MLLT10: variants seen among roughly 807,000 people sequenced by gnomAD.
The protein encoded by MLLT10 is protein AF-10.
A neutral mutation model predicts 129.1 loss-of-function variants in MLLT10; 30 were observed. The observed-to-expected ratio is 0.23, with a 90% CI of 0.17 to 0.32. The LOEUF (loss-of-function observed/expected upper bound fraction) is 0.32, where lower values mean the gene tolerates loss of function less well. MLLT10 is among the 10% of genes least tolerant of loss of function. The pLI is 1.00. For missense variants in MLLT10, 1,119 were observed against 1,268.3 expected (o/e 0.88, Z 1.79); for synonymous variants, 490 against 446.4 (o/e 1.10, Z -1.23).
chr10:21,617,707 A>G (rs117167103), intron 8 of MLLT10, among the ~76,000 whole-genome samples: 2,231 of 152,280 alleles, frequency 0.015, 38 homozygotes, highest in South Asian at 0.051. Context: ...TTAAAACACT[A>G]AAAGCTTGCC....
At chr10:21,660,916 T>C (rs2050132822) in intron 9 of MLLT10, among the ~76,000 whole-genome samples, 1 of 152,006 alleles carries the variant, frequency 6.6e-6, no homozygotes, top group South Asian at 2.1e-4. Context: ...TCTATCTTCT[T>C]TTCTAATATA....
intron 13 of MLLT10, among the ~76,000 whole-genome samples, chr10:21,694,614 A>G (rs1361022414): frequency 7.9e-5 from 12 of 152,202 alleles, no homozygotes; most frequent in Non-Finnish European, 1.8e-4. Flanking sequence ...CAGGTTAGCC[A>G]GTGGGAGCCC....
At chr10:21,533,924 TCCACCTCCCCCG>T (rs1281099987), upstream of MLLT10, among the ~76,000 whole-genome samples, 1 of 151,920 alleles carries the variant, frequency 6.6e-6, no homozygotes, top group Non-Finnish European at 1.5e-5. Context: ...GCCCTGGGCG[TCCACCTCCCCCG>T]CCACCTCCCA....
intron 9 of MLLT10, among the ~76,000 whole-genome samples, chr10:21,657,613 T>A (rs1271987558): frequency 6.6e-6 from 1 of 152,134 alleles, no homozygotes; most frequent in Non-Finnish European, 1.5e-5. Context: ...TCAGCGTCAT[T>A]ATAAATAGCT....
chr10:21,594,146 A>G (rs1470653366), intron 4 of MLLT10, among the ~76,000 whole-genome samples: 3 of 151,856 alleles, frequency 2.0e-5, no homozygotes, highest in African/African-American at 7.3e-5. Context: ...TCTTAGCTCT[A>G]GTTTGCCCTT....
At position 21,572,470 on chromosome 10, in the gene MLLT10, T is replaced by C. The variant is rs146530333; in HGVS notation, c.241-13824T>C. On this transcript the variant is annotated intron_variant, in intron 3 of 22. Coordinates refer to ENST00000307729, the MANE Select transcript of MLLT10 (RefSeq NM_001195626.3). ...ATTGTCTTGAGTCTGTTGATCAGTT[T>C]GAGGAGAACTGACATCTTAACAACG... Among the ~76,000 whole-genome samples, 135 of 152,338 alleles carry C rather than the reference T, an allele frequency of 8.9e-4. 5 individuals are homozygous for C. The East Asian group carries it at 0.022, about 25-fold the overall frequency.
intron 7 of MLLT10, among the ~76,000 whole-genome samples, chr10:21,615,457 C>CAAA (rs71393914): frequency 7.9e-5 from 6 of 75,524 alleles, no homozygotes; most frequent in Admixed American, 1.6e-4. Context: ...GACTCCGTCT[C>CAAA]AAAAAAAAAA....
intron 9 of MLLT10, among the ~76,000 whole-genome samples, chr10:21,662,833 A>G (rs2050351439): frequency 6.6e-6 from 1 of 152,222 alleles, no homozygotes; most frequent in South Asian, 2.1e-4. Context: ...GGGGAACAGG[A>G]GATCTTATAT....
intron 14 of MLLT10, among the ~76,000 whole-genome samples, chr10:21,717,946 T>TCC: frequency 2.1e-5 from 3 of 143,562 alleles, no homozygotes; most frequent in African/African-American, 8.0e-5. Flanking sequence ...TCTTTTCTTC[T>TCC]TTCTTCTTCT....
At chr10:21,613,932 C>T (rs959061213) in intron 6 of MLLT10, among the ~76,000 whole-genome samples, 1 of 150,090 alleles carries the variant, frequency 6.7e-6, no homozygotes, top group Non-Finnish European at 1.5e-5. Flanking sequence ...ACAAACAAAA[C>T]GAATATTAGC....
At chr10:21,615,057 T>G (rs1362879559) in intron 7 of MLLT10, 133 bp downstream of exon 7, 1 of 651,970 alleles carries the variant, frequency 1.5e-6, no homozygotes, top group Non-Finnish European at 2.5e-6. Context: ...GTTTAGCATG[T>G]TCTTTATTGG....
chr10:21,534,601 C>A (rs750777937), intron 1 of MLLT10, 44 bp from the exon 2 acceptor site: 1 of 1,580,950 alleles, frequency 6.3e-7, no homozygotes, highest in South Asian at 1.1e-5. Context: ...AAGCACTAAT[C>A]GGCTTGCATG....
chr10:21,581,216 T>G (rs1375338749), intron 3 of MLLT10, among the ~76,000 whole-genome samples: 1 of 151,804 alleles, frequency 6.6e-6, no homozygotes, highest in Non-Finnish European at 1.5e-5. Flanking sequence ...TGGCTTATTT[T>G]TTTTGTACTT....
chr10:21,729,669 C>G (rs2057795904), intron 16 of MLLT10, among the ~76,000 whole-genome samples: 1 of 152,224 alleles, frequency 6.6e-6, no homozygotes, highest in South Asian at 2.1e-4. Context: ...GGACAAGTCA[C>G]TAAAACTCCG....
At chr10:21,634,552 C>G (rs1032757639) in intron 8 of MLLT10, among the ~76,000 whole-genome samples, 15 of 152,200 alleles carry the variant, frequency 9.9e-5, no homozygotes, top group Non-Finnish European at 2.1e-4. Flanking sequence ...TTTGAAATTT[C>G]TGTTCCCCAA....
At chr10:21,623,589 GTT>G (rs748241198) in intron 8 of MLLT10, among the ~76,000 whole-genome samples, 15 of 152,276 alleles carry the variant, frequency 9.9e-5, no homozygotes, top group Non-Finnish European at 1.9e-4. Context: ...GTAAAATAGA[GTT>G]TTATTTTCCT....
intron 3 of MLLT10, among the ~76,000 whole-genome samples, chr10:21,548,687 A>AT (rs2130936761): frequency 1.3e-5 from 2 of 152,042 alleles, no homozygotes; most frequent in South Asian, 4.1e-4. Context: ...TTATCTTTGC[A>AT]TTACTGATAA....
intron 11 of MLLT10, among the ~76,000 whole-genome samples, chr10:21,675,058 C>G (rs1427415457): frequency 1.3e-5 from 2 of 152,114 alleles, no homozygotes; most frequent in East Asian, 3.8e-4. Context: ...GTAACAATAA[C>G]TGTGATTTGT....
intron 8 of MLLT10, among the ~76,000 whole-genome samples, chr10:21,620,926 AC>A (rs1260155175): frequency 6.8e-6 from 1 of 147,952 alleles, no homozygotes; most frequent in Non-Finnish European, 1.5e-5. Context: ...CAGGTGATCC[AC>A]CCGCCTTGGC....
Sources: allele counts gnomAD v4.1 joint callset (sites outside exome capture counted in the v4.1 genomes callset), GRCh38; gene constraint gnomAD v4.1.1; transcripts MANE v1.5; gene names NCBI Gene and HGNC (gene_info 2026-07-23, HGNC 2026-07-21).